Variants in CSMD1 observed in about 807,000 individuals in gnomAD.
CSMD1 encodes CUB and Sushi multiple domains 1, also known as CUB and sushi domain-containing protein 1.
A neutral mutation model predicts 417.5 loss-of-function variants in CSMD1; 213 were observed. The ratio of observed to expected loss-of-function variants is 0.51; its 90% CI spans 0.46 to 0.57. CSMD1 has a LOEUF of 0.57. Among genes scored for constraint, CSMD1 ranks in the 20% least tolerant of loss-of-function variants. CSMD1 has a pLI of 0.00. For synonymous variants in CSMD1, 2,862 were observed against 1,736.8 expected (o/e 1.65, Z -16.11); for missense variants, 6,923 against 4,529.7 (o/e 1.53, Z -15.17).
intron 5 of CSMD1, among the ~76,000 whole-genome samples, chr8:3,918,711 T>G (rs1372191844): frequency 6.6e-6 from 1 of 152,244 alleles, no homozygotes; most frequent in South Asian, 2.1e-4. Flanking sequence ...AAGGAATGAA[T>G]TAATGGCATT....
intron 3 of CSMD1, 141 bp downstream of exon 3, chr8:4,419,812 T>C (rs910854781): frequency 5.3e-5 from 28 of 526,274 alleles, no homozygotes; most frequent in Admixed American, 8.3e-5. Flanking sequence ...CCAAATGCCA[T>C]TGCATTACAC....
At position 3,289,029 on chromosome 8, in the gene CSMD1, G is replaced by A. The variant is rs552955654; in HGVS notation, c.3951-4683C>T. Among the ~76,000 whole-genome samples the A allele has an allele frequency of 1.4e-4, 21 of 146,266 alleles. 2 individuals carry two copies. The highest frequency in any genetic ancestry group is 3.6e-4 in the African/African-American group (13 of 36,414). ...GTGTGATGTTCCCCTTCCTGTGTCC[G>A]TGTGTTCTCATTGTTCAATTCCCAC... is the stretch of plus-strand genomic sequence containing the variant. On this transcript the variant is annotated intron_variant, in intron 25 of 69. Transcript: ENST00000635120.
intron 57 of CSMD1, among the ~76,000 whole-genome samples, chr8:2,969,107 G>T (rs1804216614): frequency 6.6e-6 from 1 of 152,062 alleles, no homozygotes; most frequent in African/African-American, 2.4e-5. Flanking sequence ...TAGATATAGT[G>T]CCTTTAACCA....
intron 3 of CSMD1, among the ~76,000 whole-genome samples, chr8:4,216,894 C>T (rs1244949433): frequency 6.6e-6 from 1 of 152,242 alleles, no homozygotes; most frequent in Non-Finnish European, 1.5e-5. Flanking sequence ...CTTTTCTTGC[C>T]CAGTTTTGAT....
intron 49 of CSMD1, among the ~76,000 whole-genome samples, chr8:3,065,245 T>C (rs1469878090): frequency 1.3e-5 from 2 of 151,822 alleles, no homozygotes; most frequent in African/African-American, 2.4e-5. Context: ...GATAGAAAGA[T>C]AGGAACATAC....
At position 3,367,231 on chromosome 8, in the gene CSMD1, A is replaced by G; in HGVS notation, c.2916T>C (p.Phe972=). ...VSHGKGVQMI[F]HTFHLESSHD... Reference sequence around the variant, plus strand: ...GGGAACTCTCAAGATGAAAGGTGTGAAAGATCATTTGAACTCCTGAGAAAT... The same window carrying G: ...GGGAACTCTCAAGATGAAAGGTGTGGAAGATCATTTGAACTCCTGAGAAAT... Residue 972 remains phenylalanine (F), a synonymous_variant, in exon 20 of 70, where the codon TTT becomes TTC. Transcript: ENST00000635120. 1 of 1,612,026 alleles carries G rather than the reference A, an allele frequency of 6.2e-7. No homozygotes were observed. Among genetic ancestry groups the G allele is most frequent in the Non-Finnish European group, 8.5e-7 (1 of 1,178,928 alleles).
chr8:3,658,406 A>C (rs1328377103), intron 7 of CSMD1, among the ~76,000 whole-genome samples: 1 of 150,206 alleles, frequency 6.7e-6, no homozygotes, highest in Non-Finnish European at 1.5e-5. Context: ...TCTTAAAAGT[A>C]AATGTTAGTA....
intron 5 of CSMD1, among the ~76,000 whole-genome samples, chr8:3,896,635 C>A (rs1015961321): frequency 7.9e-5 from 12 of 152,014 alleles, no homozygotes; most frequent in African/African-American, 2.9e-4. Flanking sequence ...CCTCAGCCTC[C>A]CGAGTAGCTG....
chr8:4,157,719 C>A (rs879941741), intron 3 of CSMD1, among the ~76,000 whole-genome samples: 1 of 152,220 alleles, frequency 6.6e-6, no homozygotes, highest in Non-Finnish European at 1.5e-5. Context: ...ACAGTTGTCC[C>A]TCTGGCCGTC....
chr8:4,165,601 C>G (rs1051318236), intron 3 of CSMD1, among the ~76,000 whole-genome samples: 1 of 152,158 alleles, frequency 6.6e-6, no homozygotes, highest in African/African-American at 2.4e-5. Context: ...CATGGTCTCA[C>G]TATGTTGCCC....
intron 2 of CSMD1, among the ~76,000 whole-genome samples, chr8:4,634,560 T>G (rs895202969): frequency 6.6e-6 from 1 of 152,196 alleles, no homozygotes; most frequent in Admixed American, 6.5e-5. Context: ...ATAACTTTTG[T>G]GACATCTCAG....
chr8:4,836,253 C>A (rs1348632578), intron 1 of CSMD1, among the ~76,000 whole-genome samples: 8 of 152,256 alleles, frequency 5.3e-5, no homozygotes, highest in Non-Finnish European at 1.2e-4. Flanking sequence ...ACTCATTTTT[C>A]AAATTATAAC....
intron 12 of CSMD1, among the ~76,000 whole-genome samples, chr8:3,448,885 T>C (rs908338777): frequency 2.6e-5 from 4 of 152,224 alleles, no homozygotes; most frequent in African/African-American, 7.2e-5. Flanking sequence ...GGCATAATTC[T>C]ATTCCAGAAG....
chr8:3,679,312 T>C (rs927773649), intron 7 of CSMD1, among the ~76,000 whole-genome samples: 10 of 152,060 alleles, frequency 6.6e-5, no homozygotes, highest in African/African-American at 1.9e-4. Flanking sequence ...GAGACACACA[T>C]AGGCTCAAAA....
At chr8:4,201,314 G>C (rs755027054) in intron 3 of CSMD1, among the ~76,000 whole-genome samples, 2 of 151,972 alleles carry the variant, frequency 1.3e-5, no homozygotes, top group Non-Finnish European at 2.9e-5. Context: ...CGAGGCGGGC[G>C]GATCACGAGG....
chr8:4,319,359 C>G (rs1022380354), intron 3 of CSMD1, among the ~76,000 whole-genome samples: 13 of 152,132 alleles, frequency 8.5e-5, no homozygotes, highest in African/African-American at 3.1e-4. Context: ...TTTCCTTTTG[C>G]TGAATGTTTC....
At chr8:3,594,774 G>T (rs888828235) in intron 8 of CSMD1, among the ~76,000 whole-genome samples, 6 of 152,214 alleles carry the variant, frequency 3.9e-5, no homozygotes, top group Admixed American at 3.3e-4. Flanking sequence ...CTTGGGAGAA[G>T]AGGCCGGTTG....
chr8:4,958,646 C>A (rs1229188447), intron 1 of CSMD1, among the ~76,000 whole-genome samples: 1 of 152,088 alleles, frequency 6.6e-6, no homozygotes, highest in Non-Finnish European at 1.5e-5. Context: ...CTATGTGAAC[C>A]AGTCTTTCTG....
intron 5 of CSMD1, among the ~76,000 whole-genome samples, chr8:3,987,831 T>C (rs967458019): frequency 1.3e-5 from 2 of 152,192 alleles, no homozygotes; most frequent in Non-Finnish European, 2.9e-5. Context: ...TTCCAGATGT[T>C]AATTGACAGC....
Sources: allele counts gnomAD v4.1 joint callset (sites outside exome capture counted in the v4.1 genomes callset), GRCh38; gene constraint gnomAD v4.1.1; transcripts MANE v1.5; gene names NCBI Gene and HGNC (gene_info 2026-07-23, HGNC 2026-07-21).